The following HDAC9 variants were observed in gnomAD, a reference collection of about 807,000 sequenced individuals.
HDAC9 encodes MEF-2 interacting transcription repressor (MITR) protein.
A neutral mutation model predicts 139.4 loss-of-function variants in HDAC9; 41 were observed. The observed-to-expected ratio is 0.29, with a 90% CI of 0.23 to 0.38. The LOEUF is 0.38. Among genes scored for constraint, HDAC9 ranks in the 10% least tolerant of loss-of-function variants. The probability of loss-of-function intolerance (pLI) is 1.00; values close to 1 mark genes in which losing one functional copy is unlikely to be tolerated. For missense variants in HDAC9, 1,147 were observed against 1,297.0 expected, an observed-to-expected ratio of 0.88 and a Z score of 1.78; for synonymous variants, 517 against 476.2, an observed-to-expected ratio of 1.09 and a Z score of -1.12.
intron 1 of HDAC9, among the ~76,000 whole-genome samples, chr7:18,349,160 C>T (rs1782653698): frequency 6.6e-6 from 1 of 152,050 alleles, no homozygotes; most frequent in South Asian, 2.1e-4. Context: ...GCCTACAAAG[C>T]ACTGCACCGT....
chr7:18,874,381 G>A, intron 21 of HDAC9, 97 bp from the exon 22 acceptor site: 3 of 620,782 alleles, frequency 4.8e-6, no homozygotes, highest in Non-Finnish European at 8.9e-6. Flanking sequence ...CTTTATTCTT[G>A]GGAGGTTCCT....
chr7:18,841,958 G>T (rs533340725), intron 21 of HDAC9, among the ~76,000 whole-genome samples: 1 of 152,002 alleles, frequency 6.6e-6, no homozygotes, highest in Non-Finnish European at 1.5e-5. Flanking sequence ...TATGCATTTA[G>T]ATTTTGTGGA....
At chr7:18,754,107 G>A (rs1030301785) in intron 14 of HDAC9, among the ~76,000 whole-genome samples, 1 of 151,986 alleles carries the variant, frequency 6.6e-6, no homozygotes, top group African/African-American at 2.4e-5. Flanking sequence ...GCCTGACGTG[G>A]CACTGTTTTT....
chr7:18,856,844 G>A (rs567279233), intron 21 of HDAC9, among the ~76,000 whole-genome samples: 6 of 152,036 alleles, frequency 3.9e-5, no homozygotes, highest in African/African-American at 7.2e-5. Context: ...ATTCATTCCC[G>A]CCTTTTCTCC....
At chr7:18,450,973 G>A (rs1436460256) in intron 1 of HDAC9, among the ~76,000 whole-genome samples, 2 of 152,268 alleles carry the variant, frequency 1.3e-5, no homozygotes, top group East Asian at 1.9e-4. Flanking sequence ...TCACATATAG[G>A]TTATGTATAC....
chr7:18,905,991 C>T (rs1802217495), intron 22 of HDAC9, among the ~76,000 whole-genome samples: 1 of 148,710 alleles, frequency 6.7e-6, no homozygotes, highest in African/African-American at 2.5e-5. Context: ...TTCCTTCCTT[C>T]TCTCTCTCTC....
At chr7:18,450,376 C>T (rs1792702941) in intron 1 of HDAC9, among the ~76,000 whole-genome samples, 4 of 152,132 alleles carry the variant, frequency 2.6e-5, no homozygotes, top group Admixed American at 2.6e-4. Flanking sequence ...TGATAAGCAC[C>T]ATGAATACTG....
intron 12 of HDAC9, among the ~76,000 whole-genome samples, chr7:18,718,284 T>G (rs1031260685): frequency 6.6e-6 from 1 of 152,140 alleles, no homozygotes; most frequent in African/African-American, 2.4e-5. Flanking sequence ...CAGGCTGGAG[T>G]GCAATGGCGC....
At chr7:18,841,943 T>C (rs965281242) in intron 21 of HDAC9, among the ~76,000 whole-genome samples, 1 of 152,136 alleles carries the variant, frequency 6.6e-6, no homozygotes, top group African/African-American at 2.4e-5. Context: ...AATATTCTTC[T>C]TATGTATGCA....
At chr7:18,614,172 C>A (rs961194521) in intron 6 of HDAC9, among the ~76,000 whole-genome samples, 4 of 151,908 alleles carry the variant, frequency 2.6e-5, no homozygotes, top group Admixed American at 1.3e-4. Context: ...CCTCTAAGTT[C>A]TTTTATTTGG....
At chr7:18,687,938 C>G (rs148020209) in intron 12 of HDAC9, among the ~76,000 whole-genome samples, 2,603 of 151,778 alleles carry the variant, frequency 0.017, 26 homozygotes, top group Non-Finnish European at 0.027. Flanking sequence ...TAACTTTTTA[C>G]TTTATAGAAT....
intron 25 of HDAC9, among the ~76,000 whole-genome samples, chr7:18,982,861 C>T (rs1785050004): frequency 6.6e-6 from 1 of 152,042 alleles, no homozygotes; most frequent in African/African-American, 2.4e-5. Flanking sequence ...TTAATACACC[C>T]TAATTTGTTT....
chr7:18,305,214 A>G (rs931215371), intron 1 of HDAC9, among the ~76,000 whole-genome samples: 2 of 152,122 alleles, frequency 1.3e-5, no homozygotes, highest in Non-Finnish European at 2.9e-5. Context: ...CACACTGTGT[A>G]TCTTTTTCCA....
At position 18,666,436 on chromosome 7, in the gene HDAC9, A is replaced by G. The variant is rs748814019; in HGVS notation, c.1691A>G (p.Gln564Arg). Residue 564 changes from glutamine to arginine, a missense_variant, in exon 12 of 26, where the codon CAG becomes CGG. Coordinates refer to ENST00000686413, the MANE Select transcript of HDAC9 (RefSeq NM_178425.4). Reference sequence around the variant, plus strand: ...GACAGTGATGAAGATGCTCAGATCCAGGAAATGGAATCTGGGGAGCAGGCT... The same window carrying G: ...GACAGTGATGAAGATGCTCAGATCCGGGAAATGGAATCTGGGGAGCAGGCT... ...PVDSDEDAQI[Q>R]EMESGEQAAF... 1.2e-6 allele frequency: 2 copies of G among 1,611,964 alleles called. No homozygotes were observed. Among genetic ancestry groups the G allele is most frequent in the South Asian group, 1.1e-5 (1 of 90,982 alleles).
chr7:18,502,930 T>A (rs1031082234), intron 2 of HDAC9, among the ~76,000 whole-genome samples: 2 of 152,164 alleles, frequency 1.3e-5, no homozygotes, highest in African/African-American at 4.8e-5. Context: ...ATATGAATTG[T>A]TTTCAATATA....
chr7:18,746,157 C>T (rs1321306592), intron 13 of HDAC9, among the ~76,000 whole-genome samples: 1 of 152,084 alleles, frequency 6.6e-6, no homozygotes, highest in African/African-American at 2.4e-5. Flanking sequence ...AGGTGTAAGG[C>T]ACCGTACCTG....
intron 2 of HDAC9, among the ~76,000 whole-genome samples, chr7:18,537,236 T>C (rs1586792374): frequency 6.6e-6 from 1 of 152,080 alleles, no homozygotes; most frequent in African/African-American, 2.4e-5. Context: ...AAGGAGAGAG[T>C]TGAATCTCTC....
chr7:18,811,485 C>T (rs770961311), intron 17 of HDAC9, among the ~76,000 whole-genome samples: 6 of 151,550 alleles, frequency 4.0e-5, no homozygotes, highest in Admixed American at 1.3e-4. Flanking sequence ...TTTTTTGACA[C>T]GTGAGTTATT....
chr7:18,626,178 C>T (rs1841660380), intron 6 of HDAC9, among the ~76,000 whole-genome samples: 1 of 151,950 alleles, frequency 6.6e-6, no homozygotes, highest in Non-Finnish European at 1.5e-5. Context: ...TCCTGGAGTG[C>T]TGGAGAGCTG....
Sources: gnomAD v4.1 joint callset for allele counts (sites outside exome capture counted in the v4.1 genomes callset) on GRCh38, gnomAD v4.1.1 for gene constraint, MANE v1.5 for transcripts, NCBI Gene and HGNC (gene_info 2026-07-23, HGNC 2026-07-21) for gene names.